The following TBL1Y variants were observed in gnomAD, a reference collection of about 807,000 sequenced individuals.
TBL1Y encodes the protein F-box-like/WD repeat-containing protein TBL1Y.
In TBL1Y, 15 loss-of-function variants were observed where a neutral mutation model predicts 12.0. The ratio of observed to expected loss-of-function variants is 1.25; its 90% confidence interval spans 0.83 to 1.92. The LOEUF (loss-of-function observed/expected upper bound fraction) is 1.92, where lower values mean the gene tolerates loss of function less well. Ranked by LOEUF, TBL1Y falls within the 40% of genes most tolerant of loss-of-function variation. TBL1Y has a pLI of 0.00. For synonymous variants in TBL1Y, 53 were observed against 42.6 expected (o/e 1.24, Z -0.95); for missense variants, 148 against 116.7 (o/e 1.27, Z -1.24).
At chrY:7,003,364 T>A in intron 4 of TBL1Y, among the ~76,000 whole-genome samples, 1 of 33,761 alleles carries the variant, frequency 3.0e-5, no homozygotes, top group Non-Finnish European at 7.3e-5. Flanking sequence ...ACTGTGGAGA[T>A]GTGACTTATG....
rs768927205 is a variant in TBL1Y, at chrY:7,063,875, G to C, written c.205-22G>C. ...CCCTCACCCTTGTGAGCTGATGGCT[G>C]TCCCTTGGCTTGCTTCCCCAGGATG... On this transcript the variant is annotated intron_variant, in intron 7 of 18. Coordinates refer to ENST00000383032, the MANE Select transcript of TBL1Y (RefSeq NM_033284.2). 7 of 395,556 alleles carry C rather than the reference G, an allele frequency of 1.8e-5. No homozygotes were observed. In the South Asian group the frequency reaches 2.1e-4, roughly 12 times the overall value.
intron 13 of TBL1Y, among the ~76,000 whole-genome samples, chrY:7,078,148 G>A (rs749264453): frequency 9.1e-5 from 3 of 33,013 alleles, no homozygotes; most frequent in South Asian, 7.1e-4. Flanking sequence ...GCACTCCAGC[G>A]TGGATGACAG....
chrY:6,927,174 C>T (rs966097237), intron 2 of TBL1Y, among the ~76,000 whole-genome samples: 41 of 32,851 alleles, frequency 1.2e-3, no homozygotes, highest in Non-Finnish European at 2.5e-3. Context: ...GTGATCTGCC[C>T]GTTTTGGCCT....
At chrY:6,994,993 G>A in intron 3 of TBL1Y, among the ~76,000 whole-genome samples, 1 of 32,995 alleles carries the variant, frequency 3.0e-5, no homozygotes, top group Admixed American at 2.7e-4. Context: ...ATCAATGCAG[G>A]GCCGAGGAAG....
At chrY:7,065,491 T>C in intron 8 of TBL1Y, among the ~76,000 whole-genome samples, 3 of 33,728 alleles carry the variant, frequency 8.9e-5, no homozygotes, top group African/African-American at 3.5e-4. Context: ...ATTACAACAG[T>C]CTTACATCAC....
chrY:7,041,555 G>A, intron 6 of TBL1Y, among the ~76,000 whole-genome samples: 5 of 33,390 alleles, frequency 1.5e-4, no homozygotes, highest in African/African-American at 5.9e-4. Flanking sequence ...ATGGGTAGAT[G>A]AAAAGGAAGG....
Position 6,953,751 on chromosome Y carries a change from G to A in TBL1Y, c.-265-24462G>A, listed in dbSNP as rs781433776. Among the ~76,000 whole-genome samples, 5 of 33,470 alleles carry A rather than the reference G, an allele frequency of 1.5e-4. No individual in the cohort carries two copies. The South Asian group carries it at 3.4e-3, about 22-fold the overall frequency. The allele number at this position is 33,470 out of a possible 37,273, so 89.8% of individuals were successfully genotyped here. A position where few individuals can be genotyped will look rare whatever the true frequency, so the allele number is the denominator to read the frequency against. On this transcript the variant is annotated intron_variant, in intron 2 of 18. Transcript: ENST00000383032. ...TGCGTTCCTTTGGAGGAGGAGAGGC[G>A]CTCTGATTTTTAGAGTTTCCAGTTT...
intron 3 of TBL1Y, among the ~76,000 whole-genome samples, chrY:6,989,652 G>A (rs2012349160): frequency 3.0e-5 from 1 of 33,683 alleles, no homozygotes; most frequent in Non-Finnish European, 7.3e-5. Context: ...GATGTGGACA[G>A]TGCAGACCCA....
chrY:7,078,664 C>T, intron 13 of TBL1Y, among the ~76,000 whole-genome samples: 1 of 33,723 alleles, frequency 3.0e-5, no homozygotes, highest in East Asian at 7.8e-4. Flanking sequence ...AAGTTAGTCC[C>T]TTTGATAATC....
chrY:6,976,834 G>T lies in TBL1Y; in HGVS notation c.-265-1379G>T, dbSNP rs936908726. The stretch of plus-strand genomic sequence containing the variant: ...GAATACTATCGCTGGCATGGGGTGG[G>T]TGGTGATTCCCCCGCAGTCCTTCTG... On this transcript the variant is annotated intron_variant, in intron 2 of 18. Transcript: ENST00000383032. Among the ~76,000 whole-genome samples, 6 of 33,536 alleles carry T rather than the reference G, an allele frequency of 1.8e-4. No individual in the cohort carries two copies. The East Asian group carries it at 4.7e-3, about 27-fold the overall frequency. The allele number at this position is 33,536 out of a possible 37,273, so 90.0% of individuals were successfully genotyped here.
intron 2 of TBL1Y, among the ~76,000 whole-genome samples, chrY:6,970,588 G>A (rs2012201066): frequency 3.0e-5 from 1 of 33,441 alleles, no homozygotes; most frequent in African/African-American, 1.2e-4. Flanking sequence ...TACTGTGCCT[G>A]GCCTAAGTAC....
intron 6 of TBL1Y, among the ~76,000 whole-genome samples, chrY:7,036,280 T>C: frequency 3.0e-5 from 1 of 33,596 alleles, no homozygotes; most frequent in Non-Finnish European, 7.4e-5. Flanking sequence ...CACTGTGTGA[T>C]ATAAAGTCAG....
intron 2 of TBL1Y, among the ~76,000 whole-genome samples, chrY:6,972,986 G>A: frequency 3.1e-5 from 1 of 32,662 alleles, no homozygotes; most frequent in African/African-American, 1.2e-4. Flanking sequence ...CATGCCTGCT[G>A]GTCACCCTCA....
At chrY:7,085,689 G>A in intron 14 of TBL1Y, among the ~76,000 whole-genome samples, 1 of 32,566 alleles carries the variant, frequency 3.1e-5, no homozygotes, top group South Asian at 7.3e-4. Flanking sequence ...GTGATGTGTG[G>A]TACAGGGCTG....
At chrY:7,082,542 GC>G in intron 14 of TBL1Y, among the ~76,000 whole-genome samples, 1 of 33,577 alleles carries the variant, frequency 3.0e-5, no homozygotes, top group East Asian at 7.9e-4. Context: ...CCATGCTAAG[GC>G]CTTCCTGGAA....
intron 9 of TBL1Y, 89 bp from the exon 10 acceptor site, chrY:7,070,631 C>T: frequency 2.8e-6 from 1 of 355,496 alleles, no homozygotes; most frequent in Non-Finnish European, 4.0e-6. Context: ...CACATGCCTA[C>T]AATGTCACCT....
intron 8 of TBL1Y, among the ~76,000 whole-genome samples, chrY:7,064,482 A>G (rs2012956002): frequency 1.2e-4 from 4 of 33,463 alleles, no homozygotes; most frequent in African/African-American, 4.7e-4. Context: ...CCAGCCCTCC[A>G]TGTTGAGTGT....
chrY:7,063,804 C>T (rs1030432699), intron 7 of TBL1Y, 93 bp from the exon 8 acceptor site: 5 of 336,196 alleles, frequency 1.5e-5, no homozygotes, highest in Non-Finnish European at 2.2e-5. Context: ...TTATGCTCCA[C>T]TTCCCCGTGC....
At chrY:6,920,728 C>T (rs2011770594) in intron 2 of TBL1Y, 1 of 33,833 alleles carries the variant, frequency 3.0e-5, no homozygotes, top group Non-Finnish European at 7.3e-5. Context: ...GTCTGGGAGG[C>T]CATGTTTTTT....
Sources: gnomAD v4.1 joint callset for allele counts (sites outside exome capture counted in the v4.1 genomes callset) on GRCh38, gnomAD v4.1.1 for gene constraint, MANE v1.5 for transcripts, NCBI Gene and HGNC (gene_info 2026-07-23, HGNC 2026-07-21) for gene names.